Variants in SIPA1L3 observed in about 807,000 individuals in gnomAD.
SIPA1L3 encodes signal induced proliferation associated 1 like 3.
SIPA1L3 carries 59 observed loss-of-function variants against 150.1 expected under a neutral mutation model. The ratio of observed to expected loss-of-function variants is 0.39; its 90% CI spans 0.32 to 0.49. SIPA1L3 has a LOEUF of 0.49. SIPA1L3 is among the 20% of genes least tolerant of loss of function. The pLI, the probability that SIPA1L3 is intolerant of heterozygous loss-of-function variation, is 0.86. For synonymous variants in SIPA1L3, 1,070 were observed against 1,077.6 expected, an observed-to-expected ratio of 0.99 and a Z score of 0.14; for missense variants, 2,211 against 2,489.5, an observed-to-expected ratio of 0.89 and a Z score of 2.38.
intron 2 of SIPA1L3, among the ~76,000 whole-genome samples, chr19:38,070,588 A>G (rs1284626085): frequency 1.2e-4 from 18 of 152,212 alleles, no homozygotes; most frequent in Admixed American, 1.2e-3. Context: ...TGAATGAGTT[A>G]TACATGACTG....
At chr19:37,991,490 G>A (rs1967508547) in intron 1 of SIPA1L3, among the ~76,000 whole-genome samples, 1 of 152,204 alleles carries the variant, frequency 6.6e-6, no homozygotes. Flanking sequence ...CCAGAGCAAA[G>A]GCCATGGAGG....
At chr19:37,987,124 C>T (rs550266465) in intron 1 of SIPA1L3, among the ~76,000 whole-genome samples, 10 of 152,092 alleles carry the variant, frequency 6.6e-5, no homozygotes, top group Admixed American at 1.3e-4. Flanking sequence ...GATGGGGTTT[C>T]ACCATGTTGG....
intron 16 of SIPA1L3, among the ~76,000 whole-genome samples, chr19:38,189,291 G>A (rs1341621461): frequency 2.0e-5 from 3 of 151,838 alleles, no homozygotes; most frequent in African/African-American, 7.3e-5. Context: ...CACCCACCTA[G>A]TTTTTTACTT....
intron 2 of SIPA1L3, among the ~76,000 whole-genome samples, chr19:38,045,725 C>A (rs1258381492): frequency 1.3e-5 from 2 of 152,032 alleles, no homozygotes; most frequent in Non-Finnish European, 2.9e-5. Flanking sequence ...GGAGGATGAA[C>A]AGGAACTAGC....
chr19:38,019,358 G>A (rs1219891421), intron 1 of SIPA1L3, among the ~76,000 whole-genome samples: 1 of 152,206 alleles, frequency 6.6e-6, no homozygotes, highest in African/African-American at 2.4e-5. Flanking sequence ...ATGGCCCAGT[G>A]TGACTGCTGG....
At chr19:37,957,510 A>G (rs1415393171) in intron 1 of SIPA1L3, among the ~76,000 whole-genome samples, 1 of 149,648 alleles carries the variant, frequency 6.7e-6, no homozygotes, top group East Asian at 2.0e-4. Flanking sequence ...ATTTATTCTT[A>G]TGTATTTTTT....
chr19:38,103,081 C>T (rs1030862374), intron 6 of SIPA1L3, among the ~76,000 whole-genome samples: 3 of 151,244 alleles, frequency 2.0e-5, no homozygotes, highest in Non-Finnish European at 4.4e-5. Context: ...CAAGACCGCA[C>T]CATTGCACTC....
intron 1 of SIPA1L3, among the ~76,000 whole-genome samples, chr19:37,995,499 TG>T (rs1199411705): frequency 6.6e-6 from 1 of 151,982 alleles, no homozygotes; most frequent in African/African-American, 2.4e-5. Context: ...TAATGCAGCG[TG>T]GTGAGTAGAT....
At chr19:37,925,658 A>G (rs957354307) in intron 1 of SIPA1L3, among the ~76,000 whole-genome samples, 3 of 146,876 alleles carry the variant, frequency 2.0e-5, no homozygotes, top group African/African-American at 7.6e-5. Flanking sequence ...CAATGGCCCA[A>G]TCTTGGCTCG....
At chr19:38,145,780 C>T (rs1395586195) in intron 12 of SIPA1L3, among the ~76,000 whole-genome samples, 2 of 151,908 alleles carry the variant, frequency 1.3e-5, no homozygotes, top group Non-Finnish European at 2.9e-5. Flanking sequence ...CGAGGTGCCT[C>T]ATGCTACCCT....
At position 38,152,900 on chromosome 19, in the gene SIPA1L3, G is replaced by A. The variant is rs770809959; in HGVS notation, c.3594G>A (p.Thr1198=). ...ATCCCCACTTCAGCCACGATGGGAC[G>A]TCCAGCGGCGACTCCTCTTCCGGCG... The part of the protein sequence containing the change: ...SLDPHFSHDG[T]SSGDSSSGGL... Residue 1198 remains threonine, a synonymous_variant, in exon 13 of 22, where the codon ACG becomes ACA. Coordinates refer to ENST00000222345, the MANE Select transcript of SIPA1L3 (RefSeq NM_015073.3). The A allele has an allele frequency of 2.5e-5, 40 of 1,613,724 alleles. No homozygotes were observed. In the East Asian group the frequency reaches 6.5e-4, roughly 26 times the overall value.
At chr19:38,066,012 T>G (rs1453758118) in intron 2 of SIPA1L3, among the ~76,000 whole-genome samples, 1 of 149,194 alleles carries the variant, frequency 6.7e-6, no homozygotes, top group Non-Finnish European at 1.5e-5. Flanking sequence ...ATTTATTTAT[T>G]TATTTATTTA....
intron 15 of SIPA1L3, among the ~76,000 whole-genome samples, chr19:38,181,940 C>T (rs564501853): frequency 6.6e-6 from 1 of 151,676 alleles, no homozygotes; most frequent in East Asian, 1.9e-4. Context: ...TTGCTTGAGC[C>T]CAGGAGCTCA....
intron 1 of SIPA1L3, among the ~76,000 whole-genome samples, chr19:37,979,366 T>C (rs918783229): frequency 1.3e-5 from 2 of 151,314 alleles, no homozygotes; most frequent in Admixed American, 1.3e-4. Flanking sequence ...CTGGCCAACA[T>C]GGTGAAACCC....
intron 1 of SIPA1L3, among the ~76,000 whole-genome samples, chr19:37,930,814 A>G (rs986611295): frequency 6.6e-6 from 1 of 152,048 alleles, no homozygotes; most frequent in Non-Finnish European, 1.5e-5. Flanking sequence ...AGCACGTGAC[A>G]TGCTTAGACA....
intron 4 of SIPA1L3, among the ~76,000 whole-genome samples, chr19:38,090,921 C>T (rs1970243889): frequency 6.6e-6 from 1 of 152,204 alleles, no homozygotes; most frequent in Admixed American, 6.5e-5. Flanking sequence ...CCATGTGCGC[C>T]AAACCACAGG....
At chr19:38,052,184 C>G (rs999728740) in intron 2 of SIPA1L3, among the ~76,000 whole-genome samples, 5 of 152,208 alleles carry the variant, frequency 3.3e-5, no homozygotes, top group Non-Finnish European at 7.3e-5. Flanking sequence ...CATGGTGTGT[C>G]TTCTCCCTTG....
At chr19:38,103,793 T>G (rs965354879) in intron 6 of SIPA1L3, among the ~76,000 whole-genome samples, 2 of 150,140 alleles carry the variant, frequency 1.3e-5, no homozygotes, top group African/African-American at 4.9e-5. Flanking sequence ...TCCCAGCTAC[T>G]CTGGAGGCTG....
intron 4 of SIPA1L3, among the ~76,000 whole-genome samples, chr19:38,099,001 T>C (rs1419465726): frequency 1.3e-5 from 2 of 152,118 alleles, no homozygotes; most frequent in Non-Finnish European, 2.9e-5. Flanking sequence ...CTCTCTTTCC[T>C]ACCCTCCCTC....
Sources: allele counts gnomAD v4.1 joint callset (sites outside exome capture counted in the v4.1 genomes callset), GRCh38; gene constraint gnomAD v4.1.1; transcripts MANE v1.5; gene names NCBI Gene and HGNC (gene_info 2026-07-23, HGNC 2026-07-21).